The following SGMS2 variants were observed in gnomAD, a reference collection of about 807,000 sequenced individuals.
The protein encoded by SGMS2 is sphingomyelin synthase 2.
SGMS2 carries 21 observed loss-of-function variants against 43.8 expected under a neutral mutation model. That is an observed-to-expected ratio of 0.48 (90% CI 0.34 to 0.69). The LOEUF (loss-of-function observed/expected upper bound fraction) is 0.69, where lower values mean the gene tolerates loss of function less well. Among genes scored for constraint, SGMS2 ranks in the 30% least tolerant of loss-of-function variants. The probability of loss-of-function intolerance (pLI) is 0.01; values close to 1 mark genes in which losing one functional copy is unlikely to be tolerated. For missense variants in SGMS2, 384 were observed against 443.2 expected, an observed-to-expected ratio of 0.87 and a Z score of 1.20; for synonymous variants, 167 against 160.6, an observed-to-expected ratio of 1.04 and a Z score of -0.30.
chr4:107,847,262 C>G (rs1174349584), intron 1 of SGMS2, among the ~76,000 whole-genome samples: 1 of 152,162 alleles, frequency 6.6e-6, no homozygotes, highest in Admixed American at 6.5e-5. Flanking sequence ...ACATTTAAGT[C>G]TTTAATCCAT....
chr4:107,895,306 T>G lies in SGMS2; in HGVS notation c.-244-4T>G, dbSNP rs914099641. The G allele has an allele frequency of 6.7e-6, 3 of 450,178 alleles. No individual in the cohort carries two copies. The highest frequency in any genetic ancestry group is 7.8e-6 in the Non-Finnish European group (2 of 256,530). 27.9% of individuals were successfully genotyped at this position (450,178 alleles called of 1,614,324 possible). A position where few individuals can be genotyped will look rare whatever the true frequency, so the allele number is the denominator to read the frequency against. ...TTCTGAACATAATTTTGTTTTGCTT[T>G]TAGGTGGGATAGTAACATCTTTTTG... On this transcript the variant is annotated splice_region_variant and splice_polypyrimidine_tract_variant and intron_variant, in intron 2 of 6. Transcript: ENST00000690982.
chr4:107,895,501 C>T lies in SGMS2; in HGVS notation c.-53C>T, dbSNP rs1730589915. 3.3e-6 allele frequency: 5 copies of T among 1,527,984 alleles called. No individual in the cohort carries two copies. In the East Asian group the frequency reaches 9.1e-5, roughly 28 times the overall value. 94.7% of individuals were successfully genotyped at this position (1,527,984 alleles called of 1,614,324 possible). A position where few individuals can be genotyped will look rare whatever the true frequency, so the allele number is the denominator to read the frequency against. ...GAAGGATTGAAAAAAGCTAAATTTC[C>T]ACAAAGAACAAGAACTTGACCATCT... On this transcript the variant is annotated 5_prime_UTR_variant, in exon 3 of 7. Coordinates refer to ENST00000690982, the MANE Select transcript of SGMS2 (RefSeq NM_001375905.1).
At position 107,899,596 on chromosome 4, in the gene SGMS2, C is replaced by G; in HGVS notation, c.477C>G (p.Phe159Leu). Reference sequence around the variant, plus strand: ...TTAGGTCAATAGTGGGACGCAGATTCTGTTTTATTATTGGAACTTTATACC... The same window carrying G: ...TTAGGTCAATAGTGGGACGCAGATTGTGTTTTATTATTGGAACTTTATACC... Reference protein sequence around the residue: ...LRYKSIVGRRFCFIIGTLYLY... With the variant: ...LRYKSIVGRRLCFIIGTLYLY... The change falls in exon 4 of 7, where the codon TTC becomes TTG. Residue 159 changes from phenylalanine (F) to leucine (L), a missense_variant. Coordinates refer to ENST00000690982, the MANE Select transcript of SGMS2 (RefSeq NM_001375905.1). The G allele has an allele frequency of 6.8e-6, 11 of 1,611,166 alleles. No individual in the cohort carries two copies. The highest frequency in any genetic ancestry group is 8.5e-6 in the Non-Finnish European group (10 of 1,178,800).
At chr4:107,902,162 C>G (rs1731171780) in intron 4 of SGMS2, among the ~76,000 whole-genome samples, 1 of 151,402 alleles carries the variant, frequency 6.6e-6, no homozygotes, top group Non-Finnish European at 1.5e-5. Flanking sequence ...CAGATACTTA[C>G]CTTCTTAATG....
chr4:107,846,284 C>G (rs1439073124), intron 1 of SGMS2, among the ~76,000 whole-genome samples: 1 of 115,336 alleles, frequency 8.7e-6, no homozygotes, highest in Non-Finnish European at 1.7e-5. Context: ...CACAATAGTA[C>G]CCAGAGTGTG....
At chr4:107,839,379 T>G (rs1017348518) in intron 1 of SGMS2, among the ~76,000 whole-genome samples, 1 of 148,700 alleles carries the variant, frequency 6.7e-6, no homozygotes, top group Non-Finnish European at 1.5e-5. Flanking sequence ...GTGGAAGTGG[T>G]TTTTTTTTTC....
intron 2 of SGMS2, among the ~76,000 whole-genome samples, chr4:107,888,611 A>T (rs1419026439): frequency 6.6e-6 from 1 of 152,106 alleles, no homozygotes; most frequent in Non-Finnish European, 1.5e-5. Flanking sequence ...ACCAAAAAAA[A>T]AATTATTTTT....
At chr4:107,893,079 C>T (rs999765809) in intron 2 of SGMS2, 1 of 152,140 alleles carries the variant, frequency 6.6e-6, no homozygotes, top group Non-Finnish European at 1.5e-5. Flanking sequence ...AGTGTTCTTA[C>T]TCCCAGGGGC....
chr4:107,886,885 G>C (rs1185251473), intron 2 of SGMS2: 1 of 151,970 alleles, frequency 6.6e-6, no homozygotes, highest in East Asian at 1.9e-4. Context: ...ATTGCTGTAA[G>C]TTAAGAATAC....
chr4:107,848,590 G>A (rs1726966511), intron 1 of SGMS2, among the ~76,000 whole-genome samples: 1 of 152,128 alleles, frequency 6.6e-6, no homozygotes, highest in African/African-American at 2.4e-5. Context: ...GGTGGTGTTA[G>A]TATGGATTTT....
chr4:107,870,464 T>C (rs1030830894), intron 2 of SGMS2, among the ~76,000 whole-genome samples: 3 of 152,144 alleles, frequency 2.0e-5, no homozygotes, highest in African/African-American at 7.2e-5. Flanking sequence ...AAATGTCAAG[T>C]GTGTTTTGGT....
intron 2 of SGMS2, among the ~76,000 whole-genome samples, chr4:107,883,647 A>C: frequency 6.6e-6 from 1 of 152,234 alleles, no homozygotes; most frequent in East Asian, 1.9e-4. Flanking sequence ...CATTATGTGT[A>C]ATATTAAGGT....
intron 2 of SGMS2, chr4:107,873,238 A>G (rs1445132205): frequency 6.6e-6 from 1 of 152,216 alleles, no homozygotes; most frequent in African/African-American, 2.4e-5. Flanking sequence ...GGAAATATTT[A>G]GTCACAAGAA....
intron 4 of SGMS2, among the ~76,000 whole-genome samples, chr4:107,901,747 A>G (rs531840596): frequency 7.9e-5 from 12 of 152,210 alleles, no homozygotes; most frequent in Non-Finnish European, 1.6e-4. Context: ...CCCCATTATT[A>G]TAAAAGGATT....
chr4:107,904,791 T>G (rs1176102141), intron 5 of SGMS2, among the ~76,000 whole-genome samples: 3 of 152,188 alleles, frequency 2.0e-5, no homozygotes, highest in Non-Finnish European at 2.9e-5. Flanking sequence ...TTATTGGTTC[T>G]GGGGGGTTGG....
At chr4:107,833,942 T>A (rs1726032317) in intron 1 of SGMS2, among the ~76,000 whole-genome samples, 1 of 152,146 alleles carries the variant, frequency 6.6e-6, no homozygotes, top group Non-Finnish European at 1.5e-5. Context: ...ATGCACACAG[T>A]CTCCAGAATC....
intron 2 of SGMS2, among the ~76,000 whole-genome samples, chr4:107,870,991 T>C (rs1384847808): frequency 2.0e-5 from 3 of 152,222 alleles, no homozygotes; most frequent in African/African-American, 7.2e-5. Flanking sequence ...GAGTTTGTAA[T>C]GTTTCCTGAC....
intron 4 of SGMS2, among the ~76,000 whole-genome samples, chr4:107,901,908 C>CTT (rs773312563): frequency 4.2e-5 from 6 of 143,062 alleles, no homozygotes; most frequent in Non-Finnish European, 6.2e-5. Context: ...CCTTCTTCTT[C>CTT]TTTTTTTTTT....
At chr4:107,840,351 G>T (rs1195876687) in intron 1 of SGMS2, among the ~76,000 whole-genome samples, 1 of 152,188 alleles carries the variant, frequency 6.6e-6, no homozygotes, top group Non-Finnish European at 1.5e-5. Flanking sequence ...CTGTTTTTGG[G>T]TGGTCAGTGT....
Sources: gnomAD v4.1 joint callset for allele counts (sites outside exome capture counted in the v4.1 genomes callset) on GRCh38, gnomAD v4.1.1 for gene constraint, MANE v1.5 for transcripts, NCBI Gene and HGNC (gene_info 2026-07-23, HGNC 2026-07-21) for gene names.